Variants in GSE1 observed in about 807,000 individuals in gnomAD.
GSE1 encodes genetic suppressor element 1.
In GSE1, 32 loss-of-function variants were observed where a neutral mutation model predicts 112.6. That is an observed-to-expected ratio of 0.28 (90% confidence interval 0.21 to 0.38). GSE1 has a LOEUF of 0.38. GSE1 is among the 10% of genes least tolerant of loss of function. The probability of loss-of-function intolerance (pLI) is 1.00; values close to 1 mark genes in which losing one functional copy is unlikely to be tolerated. For missense variants in GSE1, 2,348 were observed against 1,699.2 expected (o/e 1.38, Z -6.71); for synonymous variants, 1,115 against 735.6 (o/e 1.52, Z -8.35).
intron 1 of GSE1, among the ~76,000 whole-genome samples, chr16:85,195,362 C>T (rs1053481943): frequency 6.6e-5 from 10 of 152,184 alleles, no homozygotes; most frequent in South Asian, 4.1e-4. Context: ...GCAAGAACCA[C>T]GTTGGAGGTG....
intron 5 of GSE1, among the ~76,000 whole-genome samples, chr16:85,655,382 G>C (rs1298441106): frequency 6.6e-6 from 1 of 152,220 alleles, no homozygotes. Flanking sequence ...CCTTGTCAGA[G>C]GTCAGAGGGG....
intron 1 of GSE1, among the ~76,000 whole-genome samples, chr16:85,615,156 C>T (rs758628968): frequency 1.3e-5 from 2 of 152,194 alleles, no homozygotes; most frequent in African/African-American, 2.4e-5. Flanking sequence ...CCGCCTCCAC[C>T]AGCAGGGACG....
At chr16:85,591,614 G>A (rs1439403174) in intron 1 of GSE1, among the ~76,000 whole-genome samples, 25 of 152,228 alleles carry the variant, frequency 1.6e-4, no homozygotes, top group Non-Finnish European at 3.5e-4. Context: ...CTGACCCTGA[G>A]ATGGGCATGG....
chr16:85,330,103 C>T (rs902436406), intron 1 of GSE1, among the ~76,000 whole-genome samples: 1 of 152,202 alleles, frequency 6.6e-6, no homozygotes, highest in African/African-American at 2.4e-5. Context: ...GGCAGAGCCA[C>T]GTCTGTGAAA....
chr16:85,508,298 T>C (rs1183623087), intron 2 of GSE1, among the ~76,000 whole-genome samples: 4 of 152,090 alleles, frequency 2.6e-5, no homozygotes, highest in Non-Finnish European at 5.9e-5. Flanking sequence ...CCTCCCAAAG[T>C]GCTGGGATTA....
At chr16:85,648,276 G>A (rs771050453) in intron 2 of GSE1, among the ~76,000 whole-genome samples, 2 of 152,120 alleles carry the variant, frequency 1.3e-5, no homozygotes, top group African/African-American at 4.8e-5. Context: ...GGGCGGCCCT[G>A]GGCACCAGAG....
At chr16:85,429,045 A>G (rs1488289782) in intron 2 of GSE1, among the ~76,000 whole-genome samples, 1 of 152,178 alleles carries the variant, frequency 6.6e-6, no homozygotes, top group Non-Finnish European at 1.5e-5. Context: ...GTGCACATAC[A>G]TGGGGCGCCT....
chr16:85,416,599 G>A (rs1288752613), intron 2 of GSE1, among the ~76,000 whole-genome samples: 1 of 152,200 alleles, frequency 6.6e-6, no homozygotes, highest in Non-Finnish European at 1.5e-5. Context: ...GACTTTCAGG[G>A]GCCCATCACA....
In GSE1 at chr16:85,314,479, G is replaced by A. The variant is rs139515262; in HGVS notation, c.2284-42984G>A. On this transcript the variant is annotated intron_variant, in intron 1 of 2. Transcript: ENST00000637419. ...ACAGTGGGGCCTGGTGAGGCTGCAG[G>A]GCTTGGAGGTGGCCAGGCTGGTCAT... is the stretch of plus-strand genomic sequence containing the variant. Among the ~76,000 whole-genome samples, 791 of 152,270 alleles carry A rather than the reference G, an allele frequency of 5.2e-3. 2 individuals carry two copies. The highest frequency in any genetic ancestry group is 9.1e-3 in the Non-Finnish European group (617 of 68,004).
chr16:85,425,209 A>G (rs2048943801), intron 2 of GSE1, among the ~76,000 whole-genome samples: 1 of 147,554 alleles, frequency 6.8e-6, no homozygotes, highest in Non-Finnish European at 1.5e-5. Context: ...GCCAGCCACG[A>G]TAGAAGCTGC....
chr16:85,236,797 C>T (rs1353103868), intron 1 of GSE1, among the ~76,000 whole-genome samples: 1 of 152,034 alleles, frequency 6.6e-6, no homozygotes, highest in African/African-American at 2.4e-5. Flanking sequence ...GCCTGTAATA[C>T]CTCTAAGGTG....
intron 2 of GSE1, among the ~76,000 whole-genome samples, chr16:85,466,586 A>G (rs148591196): frequency 2.6e-5 from 4 of 152,322 alleles, no homozygotes; most frequent in African/African-American, 9.6e-5. Context: ...GCATTCTTGA[A>G]GACTCACTGC....
chr16:85,205,278 C>T (rs901943625), intron 1 of GSE1, among the ~76,000 whole-genome samples: 3 of 152,070 alleles, frequency 2.0e-5, no homozygotes, highest in African/African-American at 7.2e-5. Context: ...ATTACAGGTG[C>T]CCACCACCAT....
intron 2 of GSE1, among the ~76,000 whole-genome samples, chr16:85,381,381 G>A (rs1389882879): frequency 6.6e-6 from 1 of 152,236 alleles, no homozygotes; most frequent in Non-Finnish European, 1.5e-5. Context: ...GCTGTCCCCA[G>A]GTTTGGGCTA....
At chr16:85,206,856 C>A (rs1054986601) in intron 1 of GSE1, among the ~76,000 whole-genome samples, 3 of 151,690 alleles carry the variant, frequency 2.0e-5, no homozygotes, top group Admixed American at 6.6e-5. Context: ...CTCCACAAGC[C>A]CCCCCAGCCC....
In GSE1 at chr16:85,671,070, C is replaced by A. The variant is rs376466573; in HGVS notation, c.3491C>A (p.Thr1164Lys). The A allele has an allele frequency of 1.2e-6, 2 of 1,607,980 alleles. No individual in the cohort carries two copies. Among genetic ancestry groups the A allele is most frequent in the Non-Finnish European group, 1.7e-6 (2 of 1,174,568 alleles). ...LEARHYSLSLTAEQLSHSVAE... is the reference protein window; with the variant it reads ...LEARHYSLSLKAEQLSHSVAE... ...GCCCGGCACTACAGCCTCAGCCTGA[C>A]GGCAGAGCAGCTCTCCCACAGCGTG... The change falls in exon 15 of 16, where the codon ACG becomes AAG. Residue 1164 changes from threonine to lysine, a missense_variant. Coordinates refer to ENST00000253458, the MANE Select transcript of GSE1 (RefSeq NM_014615.5).
chr16:85,366,278 G>C (rs1377712286), intron 2 of GSE1, among the ~76,000 whole-genome samples: 6 of 152,262 alleles, frequency 3.9e-5, no homozygotes, highest in Admixed American at 1.3e-4. Context: ...CGGGGGGCTG[G>C]ATTTGGCTGT....
intron 8 of GSE1, 66 bp from the exon 9 acceptor site, chr16:85,661,080 C>T (rs1186151326): frequency 6.8e-7 from 1 of 1,464,404 alleles, no homozygotes; most frequent in Non-Finnish European, 9.2e-7. Flanking sequence ...GGCAGGCAGC[C>T]AGGGAAGCCT....
At position 85,412,800 on chromosome 16, in the gene GSE1, G is replaced by C. The variant is rs112776824; in HGVS notation, c.2464+55157G>C. Among the ~76,000 whole-genome samples, 760 of 141,856 alleles carry C rather than the reference G, an allele frequency of 5.4e-3. 30 individuals are homozygous for C. The highest frequency in any genetic ancestry group is 0.021 in the African/African-American group (666 of 32,402). 93.1% of individuals were successfully genotyped at this position (141,856 alleles called of 152,430 possible). The stretch of plus-strand genomic sequence containing the variant: ...CCTCGCTGACCTCTCCAGTGCAACT[G>C]TTGATTTAATCACACCTGCAAACAC... On this transcript the variant is annotated intron_variant, in intron 2 of 2. Transcript: ENST00000637419.
Sources: gnomAD v4.1 joint callset for allele counts (sites outside exome capture counted in the v4.1 genomes callset) on GRCh38, gnomAD v4.1.1 for gene constraint, MANE v1.5 for transcripts, NCBI Gene and HGNC (gene_info 2026-07-23, HGNC 2026-07-21) for gene names.